RPS6KA2: variants seen among roughly 807,000 people sequenced by gnomAD.
The protein encoded by RPS6KA2 is ribosomal protein S6 kinase alpha-2.
A neutral mutation model predicts 91.8 loss-of-function variants in RPS6KA2; 42 were observed. The observed-to-expected ratio is 0.46, with a 90% CI of 0.36 to 0.59. The LOEUF (loss-of-function observed/expected upper bound fraction) is 0.59, where lower values mean the gene tolerates loss of function less well. RPS6KA2 is among the 20% of genes least tolerant of loss of function. The pLI, the probability that RPS6KA2 is intolerant of heterozygous loss-of-function variation, is 0.00. For missense variants in RPS6KA2, 798 were observed against 978.5 expected (o/e 0.82, Z 2.46); for synonymous variants, 414 against 393.6 (o/e 1.05, Z -0.61).
At chr6:166,803,714 C>T (rs1779423651) in intron 2 of RPS6KA2, among the ~76,000 whole-genome samples, 2 of 152,212 alleles carry the variant, frequency 1.3e-5, no homozygotes, top group Non-Finnish European at 2.9e-5. Context: ...TGATTTTGTG[C>T]CTGTGTTATT....
intron 14 of RPS6KA2, among the ~76,000 whole-genome samples, chr6:166,444,809 G>A (rs934797118): frequency 5.3e-5 from 8 of 152,330 alleles, no homozygotes; most frequent in South Asian, 2.1e-4. Context: ...CTGTGTTGGA[G>A]ACTGCGATAG....
chr6:166,766,181 T>G (rs914854557), intron 2 of RPS6KA2, among the ~76,000 whole-genome samples: 2 of 152,230 alleles, frequency 1.3e-5, no homozygotes, highest in African/African-American at 4.8e-5. Flanking sequence ...AGAGGATACC[T>G]TCAATTGGTG....
At chr6:166,779,488 G>A (rs918619176) in intron 2 of RPS6KA2, among the ~76,000 whole-genome samples, 1 of 152,166 alleles carries the variant, frequency 6.6e-6, no homozygotes, top group African/African-American at 2.4e-5. Flanking sequence ...GAGGGGCCTG[G>A]GAGCCTGTGC....
At chr6:166,633,609 C>G (rs1322555810) in intron 2 of RPS6KA2, among the ~76,000 whole-genome samples, 1 of 152,152 alleles carries the variant, frequency 6.6e-6, no homozygotes, top group East Asian at 1.9e-4. Context: ...AGACTTAAAT[C>G]TAGTTACTAA....
chr6:166,841,929 C>T (rs1471718672), intron 2 of RPS6KA2, among the ~76,000 whole-genome samples: 1 of 152,116 alleles, frequency 6.6e-6, no homozygotes, highest in African/African-American at 2.4e-5. Context: ...TCAGGTCTTC[C>T]CTAAGGGTCA....
At chr6:166,676,233 CT>C (rs1788615591) in intron 2 of RPS6KA2, among the ~76,000 whole-genome samples, 1 of 151,422 alleles carries the variant, frequency 6.6e-6, no homozygotes, top group African/African-American at 2.4e-5. Flanking sequence ...AGGAGAATCA[CT>C]TGAAACCAGG....
intron 2 of RPS6KA2, among the ~76,000 whole-genome samples, chr6:166,813,158 C>CA (rs1779682712): frequency 6.6e-6 from 1 of 151,998 alleles, no homozygotes; most frequent in Non-Finnish European, 1.5e-5. Context: ...TATAGTACCT[C>CA]CATATCACAC....
chr6:166,545,873 G>T (rs1418333795), intron 1 of RPS6KA2, among the ~76,000 whole-genome samples: 2 of 152,202 alleles, frequency 1.3e-5, no homozygotes, highest in African/African-American at 4.8e-5. Flanking sequence ...CACTTTTGCA[G>T]GGGCCTCCTT....
At chr6:166,766,829 G>A (rs964624329) in intron 2 of RPS6KA2, among the ~76,000 whole-genome samples, 6 of 152,246 alleles carry the variant, frequency 3.9e-5, no homozygotes, top group Non-Finnish European at 5.9e-5. Context: ...GTTGCGAGGT[G>A]CTCCTTTTTA....
intron 2 of RPS6KA2, among the ~76,000 whole-genome samples, chr6:166,768,633 G>GAAAAC (rs1002490493): frequency 2.6e-5 from 4 of 151,934 alleles, no homozygotes; most frequent in East Asian, 1.9e-4. Context: ...AGAGAGAGAG[G>GAAAAC]AAAACAAAAC....
intron 2 of RPS6KA2, among the ~76,000 whole-genome samples, chr6:166,748,661 CA>C (rs1791130579): frequency 3.5e-5 from 3 of 85,776 alleles, no homozygotes; most frequent in South Asian, 5.4e-4. Flanking sequence ...CCCACCTCCT[CA>C]GGCCCCCATC....
chr6:166,830,140 AAGAAAGAAAG>A (rs897531820), intron 2 of RPS6KA2, among the ~76,000 whole-genome samples: 6 of 21,770 alleles, frequency 2.8e-4, no homozygotes, highest in South Asian at 9.3e-4. Context: ...AAAAAAAAAA[AAGAAAGAAAG>A]AAAGAAAGAA....
intron 5 of RPS6KA2, among the ~76,000 whole-genome samples, 176 bp from the exon 6 acceptor site, chr6:166,504,788 C>T (rs1350715171): frequency 1.3e-5 from 2 of 152,128 alleles, no homozygotes; most frequent in East Asian, 1.9e-4. Flanking sequence ...AAGTGAGTTC[C>T]CTCTGCAGTT....
At position 166,770,006 on chromosome 6, in the gene RPS6KA2, A is replaced by G. The variant is rs1197323661; in HGVS notation, c.123+88194T>C. Among the ~76,000 whole-genome samples, 1 of 152,240 alleles carries G rather than the reference A, an allele frequency of 6.6e-6. No individual in the cohort carries two copies. Among genetic ancestry groups the G allele is most frequent in the Non-Finnish European group, 1.5e-5 (1 of 68,042 alleles). The stretch of plus-strand genomic sequence containing the variant: ...GGAGTATTTTTGTTTCAAATGAACT[A>G]CAGCGCAGTTTAACGTATCAATGTA... On this transcript the variant is annotated intron_variant, in intron 2 of 21. Transcript: ENST00000503859. The surrounding 1 kb of genome is among the most constrained non-coding windows in gnomAD (Gnocchi z 5.1).
intron 14 of RPS6KA2, among the ~76,000 whole-genome samples, chr6:166,441,330 A>G (rs77885229): frequency 0.04 from 6,113 of 152,310 alleles, 162 homozygotes; most frequent in Middle Eastern, 0.082. Flanking sequence ...TTGCTCCTTC[A>G]CATAGCTCAA....
At chr6:166,739,744 G>A (rs1410376251) in intron 2 of RPS6KA2, among the ~76,000 whole-genome samples, 2 of 152,190 alleles carry the variant, frequency 1.3e-5, no homozygotes, top group African/African-American at 2.4e-5. Flanking sequence ...ACATCTCCAC[G>A]TAGGAGCCAC....
At chr6:166,550,815 A>C (rs544262916) in intron 1 of RPS6KA2, among the ~76,000 whole-genome samples, 4 of 151,986 alleles carry the variant, frequency 2.6e-5, no homozygotes, top group Non-Finnish European at 5.9e-5. Flanking sequence ...ATCCTGGCTA[A>C]CACGGTGAAA....
chr6:166,417,995 G>A (rs1054069213), intron 19 of RPS6KA2, among the ~76,000 whole-genome samples: 2 of 152,074 alleles, frequency 1.3e-5, no homozygotes, highest in Non-Finnish European at 2.9e-5. Flanking sequence ...GGCTGAGACA[G>A]GAGAATTACT....
chr6:166,715,662 T>C (rs2128582102), intron 2 of RPS6KA2, among the ~76,000 whole-genome samples: 1 of 152,312 alleles, frequency 6.6e-6, no homozygotes, highest in Non-Finnish European at 1.5e-5. Flanking sequence ...GTGTAGCCCA[T>C]GGCTCCTAGG....
Sources: gnomAD v4.1 joint callset for allele counts (sites outside exome capture counted in the v4.1 genomes callset) on GRCh38, gnomAD v4.1.1 for gene constraint, Gnocchi (gnomAD v3.1) non-coding constraint, MANE v1.5 for transcripts, NCBI Gene and HGNC (gene_info 2026-07-23, HGNC 2026-07-21) for gene names.